Variants in CAST observed in about 807,000 individuals in gnomAD.
CAST encodes the protein calpastatin.
A neutral mutation model predicts 119.6 loss-of-function variants in CAST; 76 were observed. The observed-to-expected ratio is 0.64, with a 90% CI of 0.53 to 0.77. The LOEUF is 0.77. Ranked by LOEUF, CAST falls within the 30% of genes least tolerant of loss-of-function variation. The pLI, the probability that CAST is intolerant of heterozygous loss-of-function variation, is 0.00. For missense variants in CAST, 953 were observed against 946.5 expected (o/e 1.01, Z -0.09); for synonymous variants, 319 against 331.6 (o/e 0.96, Z 0.41).
At chr5:96,702,981 C>T (rs1399976196) in intron 3 of CAST, 51 of 977,490 alleles carry the variant, frequency 5.2e-5, no homozygotes, top group Non-Finnish European at 6.0e-5. Flanking sequence ...GCCTGTGCCC[C>T]CGGCTACCTG....
At chr5:96,538,959 G>T (rs1745867836) in intron 1 of CAST, among the ~76,000 whole-genome samples, 1 of 152,156 alleles carries the variant, frequency 6.6e-6, no homozygotes, top group South Asian at 2.1e-4. Flanking sequence ...GGTCAATATG[G>T]TAGCAGCATA....
the CAST span, among the ~76,000 whole-genome samples, chr5:96,087,917 T>C: frequency 6.6e-6 from 1 of 152,190 alleles, no homozygotes. Context: ...CTGTAATTTT[T>C]ATAATAACAT....
chr5:96,462,042 A>G, the CAST span, among the ~76,000 whole-genome samples: 21,344 of 152,106 alleles, frequency 0.14, 1,551 homozygotes, highest in Middle Eastern at 0.16. Flanking sequence ...GCCCTGGCCT[A>G]GGAATCAAGG....
At chr5:96,757,140 C>T (rs1325635425) in intron 22 of CAST, among the ~76,000 whole-genome samples, 2 of 152,200 alleles carry the variant, frequency 1.3e-5, no homozygotes, top group Non-Finnish European at 2.9e-5. Context: ...CACCACATAC[C>T]ACACTATGCT....
At position 96,686,348 on chromosome 5, in the gene CAST, G is replaced by A. The variant is rs186578826; in HGVS notation, c.139-9488G>A. ...ATTATTGAAGAAAAGAGTGTAGAGA[G>A]AGAAGAGAGAGAAACTAAAATCAAG... On this transcript the variant is annotated intron_variant, in intron 2 of 31. Transcript: ENST00000675179. Among the ~76,000 whole-genome samples, 532 of 152,008 alleles carry A rather than the reference G, an allele frequency of 3.5e-3. 2 individuals carry two copies. The highest frequency in any genetic ancestry group is 7.1e-3 in the Middle Eastern group (2 of 282).
the CAST span, among the ~76,000 whole-genome samples, chr5:96,196,536 A>G: frequency 6.6e-6 from 1 of 152,176 alleles, no homozygotes; most frequent in East Asian, 1.9e-4. Flanking sequence ...AGCCTTTTAT[A>G]GATGGGGTAG....
intron 3 of CAST, among the ~76,000 whole-genome samples, chr5:96,697,143 T>C (rs989343571): frequency 6.6e-6 from 1 of 151,894 alleles, no homozygotes; most frequent in African/African-American, 2.4e-5. Flanking sequence ...ACTCCAGCCT[T>C]GTAACAAAGT....
chr5:96,672,402 A>G (rs890398245), intron 1 of CAST, among the ~76,000 whole-genome samples: 1 of 152,186 alleles, frequency 6.6e-6, no homozygotes, highest in Non-Finnish European at 1.5e-5. Context: ...TTTCATAATA[A>G]AAAGCTGGGC....
chr5:96,172,540 A>G, the CAST span, among the ~76,000 whole-genome samples: 1 of 152,244 alleles, frequency 6.6e-6, no homozygotes, highest in Admixed American at 6.5e-5. Context: ...AAGTGTGAAT[A>G]ACTTTCCGCA....
chr5:96,437,198 A>T, the CAST span, among the ~76,000 whole-genome samples: 798 of 152,356 alleles, frequency 5.2e-3, 18 homozygotes, highest in East Asian at 0.059. Flanking sequence ...TTTGAGGTGG[A>T]TGAATAATTA....
At chr5:96,052,389 C>T in the CAST span, among the ~76,000 whole-genome samples, 3 of 152,068 alleles carry the variant, frequency 2.0e-5, no homozygotes, top group East Asian at 5.8e-4. Context: ...CACAACCATA[C>T]AACCAAACCA....
At chr5:96,369,376 T>G in the CAST span, among the ~76,000 whole-genome samples, 2 of 152,146 alleles carry the variant, frequency 1.3e-5, no homozygotes, top group African/African-American at 4.8e-5. Flanking sequence ...TCTAAGTTAC[T>G]GTTTTTGCTT....
the CAST span, among the ~76,000 whole-genome samples, chr5:96,132,286 T>C: frequency 6.6e-6 from 1 of 152,160 alleles, no homozygotes; most frequent in Admixed American, 6.6e-5. Flanking sequence ...ATTTTATTGA[T>C]ACATAGCAAT....
chr5:95,990,462 A>G, the CAST span, among the ~76,000 whole-genome samples: 10 of 152,040 alleles, frequency 6.6e-5, no homozygotes, highest in Non-Finnish European at 1.0e-4. Flanking sequence ...TATTAAAAAT[A>G]TCTTACTGTT....
the CAST span, among the ~76,000 whole-genome samples, chr5:96,215,752 TG>T: frequency 6.6e-6 from 1 of 152,210 alleles, no homozygotes; most frequent in African/African-American, 2.4e-5. Flanking sequence ...AAGACGTTTA[TG>T]ATGATCCATT....
At chr5:96,005,124 GT>G in the CAST span, among the ~76,000 whole-genome samples, 2 of 152,148 alleles carry the variant, frequency 1.3e-5, no homozygotes, top group African/African-American at 4.8e-5. Flanking sequence ...GATAAGAAAA[GT>G]TTTAAAAACT....
intron 1 of CAST, among the ~76,000 whole-genome samples, chr5:96,581,003 C>A (rs1292577963): frequency 6.6e-6 from 1 of 152,224 alleles, no homozygotes; most frequent in Non-Finnish European, 1.5e-5. Flanking sequence ...CCTCACCAAC[C>A]ACTGAATCTG....
intron 1 of CAST, among the ~76,000 whole-genome samples, chr5:96,606,907 G>A (rs951423158): frequency 1.8e-4 from 27 of 152,206 alleles, no homozygotes; most frequent in African/African-American, 6.5e-4. Context: ...CCCTCCCCAG[G>A]CCAACTGAAT....
chr5:96,079,226 C>T, the CAST span: 2 of 407,480 alleles, frequency 4.9e-6, no homozygotes, highest in South Asian at 1.8e-5. Flanking sequence ...TTCCCCTGGG[C>T]CCCCTTCATT....
Sources: allele counts gnomAD v4.1 joint callset (sites outside exome capture counted in the v4.1 genomes callset), GRCh38; gene constraint gnomAD v4.1.1; transcripts MANE v1.5; gene names NCBI Gene and HGNC (gene_info 2026-07-23, HGNC 2026-07-21).